Variants in ARCN1 observed in about 807,000 individuals in gnomAD.
The protein encoded by ARCN1 is archain 1 coat protein complex I subunit delta, also known as coatomer subunit delta.
A neutral mutation model predicts 60.4 loss-of-function variants in ARCN1; 5 were observed. The ratio of observed to expected loss-of-function variants is 0.08; its 90% CI spans 0.04 to 0.17. ARCN1 has a LOEUF of 0.17. Ranked by LOEUF, ARCN1 falls within the 10% of genes least tolerant of loss-of-function variation. The pLI, the probability that ARCN1 is intolerant of heterozygous loss-of-function variation, is 1.00. For missense variants in ARCN1, 464 were observed against 626.5 expected (o/e 0.74, Z 2.77); for synonymous variants, 224 against 220.0 (o/e 1.02, Z -0.16).
At chr11:118,574,757 G>T (rs1480253756) in intron 1 of ARCN1, among the ~76,000 whole-genome samples, 1 of 145,332 alleles carries the variant, frequency 6.9e-6, no homozygotes, top group East Asian at 2.7e-4. Flanking sequence ...GGCATCTTTT[G>T]ATTTTTTTTT....
At chr11:118,588,258 T>C (rs1938819324) in intron 5 of ARCN1, among the ~76,000 whole-genome samples, 1 of 152,226 alleles carries the variant, frequency 6.6e-6, no homozygotes, top group African/African-American at 2.4e-5. Context: ...GGCCTCTCTG[T>C]GCAGCATTAA....
chr11:118,600,909 A>G lies in ARCN1; in HGVS notation c.*195A>G. ...TCACAGAGACATTCTTTGATAAGGAAATGGCACAAACATAAAGGGAAAGGC... is the reference window on the plus strand; with the variant it reads ...TCACAGAGACATTCTTTGATAAGGAGATGGCACAAACATAAAGGGAAAGGC... On this transcript the variant is annotated 3_prime_UTR_variant, in exon 10 of 10. Transcript: ENST00000264028. 2.3e-6 allele frequency: 1 copy of G among 428,878 alleles called. No homozygotes were observed. Among genetic ancestry groups the G allele is most frequent in the South Asian group, 2.9e-5 (1 of 35,008 alleles). The allele number at this position is 428,878 out of a possible 1,614,324, so 26.6% of individuals were successfully genotyped here.
intron 1 of ARCN1, among the ~76,000 whole-genome samples, chr11:118,577,456 C>T (rs907085596): frequency 1.3e-5 from 2 of 152,014 alleles, no homozygotes; most frequent in Non-Finnish European, 2.9e-5. Flanking sequence ...CCATGTTGAC[C>T]AGGCTGGTCT....
At chr11:118,587,647 G>A (rs1403830404) in intron 5 of ARCN1, among the ~76,000 whole-genome samples, 7 of 152,070 alleles carry the variant, frequency 4.6e-5, no homozygotes, top group South Asian at 2.1e-4. Flanking sequence ...AGATTTTTCC[G>A]CACACATCAA....
chr11:118,572,493 T>C lies in ARCN1; in HGVS notation c.-55T>C. ...GCTGGTGCTCCCGTTCCCCAGACCC[T>C]ACCCCTATCCCCAGTGGAGCCGGAG... On this transcript the variant is annotated 5_prime_UTR_variant, in exon 1 of 10. Transcript: ENST00000264028. 6.2e-7 allele frequency: 1 copy of C among 1,605,544 alleles called. No individual in the cohort carries two copies. Among genetic ancestry groups the C allele is most frequent in the Non-Finnish European group, 8.5e-7 (1 of 1,175,254 alleles).
In ARCN1 at chr11:118,601,816, A is replaced by G; in HGVS notation, c.*1102A>G. On this transcript the variant is annotated 3_prime_UTR_variant, in exon 10 of 10. Transcript: ENST00000264028. ...GCACAGTCCCTCTTCAAGATGTCTA[A>G]AAGAATGGTTATGTCTGTCCAGTTA... is the stretch of plus-strand genomic sequence containing the variant. The G allele has an allele frequency of 2.9e-6, 2 of 684,590 alleles. No homozygotes were observed. Among genetic ancestry groups the G allele is most frequent in the Non-Finnish European group, 5.3e-6 (2 of 373,920 alleles). 42.4% of individuals were successfully genotyped at this position (684,590 alleles called of 1,614,324 possible). A position where few individuals can be genotyped will look rare whatever the true frequency, so the allele number is the denominator to read the frequency against.
chr11:118,573,922 C>T (rs1422841545), intron 1 of ARCN1: 8 of 448,648 alleles, frequency 1.8e-5, no homozygotes, highest in Non-Finnish European at 3.2e-5. Context: ...CCGTTTACAC[C>T]CTGGAATTAA....
chr11:118,597,753 C>G lies in ARCN1; in HGVS notation c.1288C>G (p.Arg430Gly). 1 of 1,614,124 alleles carries G rather than the reference C, an allele frequency of 6.2e-7. No homozygotes were observed. Among genetic ancestry groups the G allele is most frequent in the East Asian group, 2.2e-5 (1 of 44,890 alleles). ...PVIGEIDGEY[R>G]HDSRRNTLEW... The stretch of plus-strand genomic sequence containing the variant: ...TATCGGTGAGATCGATGGGGAGTAT[C>G]GACATGACAGTCGACGAAATACCCT... The change falls in exon 9 of 10, where the codon CGA becomes GGA. Residue 430 changes from arginine (R) to glycine (G), a missense_variant. Around this residue, in one of 2 missense-constraint regions of ARCN1, gnomAD observed 359 missense variants for 440.2 expected, o/e 0.82. Coordinates refer to ENST00000264028, the MANE Select transcript of ARCN1 (RefSeq NM_001655.5).
intron 1 of ARCN1, chr11:118,572,824 C>T (rs1382325768): frequency 9.3e-6 from 4 of 431,584 alleles, no homozygotes; most frequent in South Asian, 9.8e-5. Flanking sequence ...CTGAGACGGC[C>T]CGGCGTTTTT....
intron 9 of ARCN1, among the ~76,000 whole-genome samples, chr11:118,598,881 C>G (rs11822915): frequency 1.3e-5 from 2 of 151,968 alleles, no homozygotes; most frequent in Non-Finnish European, 2.9e-5. Flanking sequence ...ACTGCAACCT[C>G]TGCCTCCCGG....
intron 5 of ARCN1, among the ~76,000 whole-genome samples, chr11:118,589,506 T>A (rs1938850172): frequency 6.6e-6 from 1 of 151,822 alleles, no homozygotes; most frequent in Non-Finnish European, 1.5e-5. Flanking sequence ...CTCGGCTCAC[T>A]GCAAGCTCCG....
chr11:118,593,788 G>A, intron 8 of ARCN1, 90 bp downstream of exon 8: 1 of 723,910 alleles, frequency 1.4e-6, no homozygotes. Flanking sequence ...TGACCTGACT[G>A]TCCATTCAAA....
chr11:118,585,155 G>A (rs1938751172), intron 5 of ARCN1, among the ~76,000 whole-genome samples: 1 of 151,856 alleles, frequency 6.6e-6, no homozygotes, highest in African/African-American at 2.4e-5. Context: ...TTGAGACAGG[G>A]TCTTACTATG....
intron 5 of ARCN1, among the ~76,000 whole-genome samples, chr11:118,585,984 A>G (rs1376683766): frequency 6.6e-6 from 1 of 152,250 alleles, no homozygotes; most frequent in Non-Finnish European, 1.5e-5. Flanking sequence ...TCTTGAAGCC[A>G]GACCTTCTAC....
intron 8 of ARCN1, among the ~76,000 whole-genome samples, chr11:118,597,335 A>G (rs1404946406): frequency 2.6e-5 from 4 of 152,244 alleles, no homozygotes; most frequent in African/African-American, 9.6e-5. Context: ...AGAGTGCTAC[A>G]TTATGTTAAA....
At chr11:118,593,733 T>G (rs1938964350) in intron 8 of ARCN1, 35 bp downstream of exon 8, 11 of 1,435,218 alleles carry the variant, frequency 7.7e-6, no homozygotes, top group Non-Finnish European at 8.8e-6. Flanking sequence ...ACGGTGGACT[T>G]AGAGAACTGG....
At chr11:118,583,105 C>T in intron 2 of ARCN1, 74 bp from the exon 3 acceptor site, 1 of 1,514,260 alleles carries the variant, frequency 6.6e-7, no homozygotes, top group African/African-American at 1.4e-5. Context: ...TTTATGTACT[C>T]TAAAGGATAA....
At chr11:118,586,953 G>T (rs1488548203) in intron 5 of ARCN1, among the ~76,000 whole-genome samples, 1 of 151,836 alleles carries the variant, frequency 6.6e-6, no homozygotes, top group East Asian at 1.9e-4. Context: ...TGAGCACAGA[G>T]CAAACTTTTG....
intron 5 of ARCN1, among the ~76,000 whole-genome samples, chr11:118,588,580 C>T (rs782710127): frequency 6.6e-6 from 1 of 152,230 alleles, no homozygotes; most frequent in Non-Finnish European, 1.5e-5. Context: ...CATGATGGCA[C>T]ATGGCTGTAG....
Sources: gnomAD v4.1 joint callset for allele counts (sites outside exome capture counted in the v4.1 genomes callset) on GRCh38, gnomAD v4.1.1 for gene constraint, gnomAD v4.1.1 regional missense constraint, MANE v1.5 for transcripts, NCBI Gene and HGNC (gene_info 2026-07-23, HGNC 2026-07-21) for gene names.